KIAA1549: variants seen among roughly 807,000 people sequenced by gnomAD.
KIAA1549 encodes KIAA1549, also known as UPF0606 protein KIAA1549.
Under a neutral mutation model 156.4 loss-of-function variants are expected in KIAA1549, and 70 were observed. The observed-to-expected ratio is 0.45, with a 90% CI of 0.37 to 0.55. The LOEUF (loss-of-function observed/expected upper bound fraction) is 0.55. Ranked by LOEUF, KIAA1549 falls within the 20% of genes least tolerant of loss-of-function variation. The probability of loss-of-function intolerance (pLI) is 0.00; values close to 1 mark genes in which losing one functional copy is unlikely to be tolerated. For synonymous variants in KIAA1549, 1,103 were observed against 1,066.4 expected (o/e 1.03, Z -0.67); for missense variants, 2,428 against 2,540.9 (o/e 0.96, Z 0.96).
chr7:138,881,487 A>G lies in KIAA1549; in HGVS notation c.4130T>C (p.Leu1377Pro). The G allele has an allele frequency of 6.2e-7, 1 of 1,614,054 alleles. No homozygotes were observed. The highest frequency in any genetic ancestry group is 8.5e-7 in the Non-Finnish European group (1 of 1,179,900). ...GGTGTGGTCCTTCAGAGGTCCTGGC[A>G]GTGGCGCTGGCTCATGAATAATCAA... ...DILIIHEPAP[L>P]PGPLKDHTTP... Residue 1377 changes from leucine to proline, a missense_variant, in exon 11 of 20, where the codon CTG becomes CCG. Leu to Pro is a moderately conservative substitution (Grantham distance 98, BLOSUM62 -3). Coordinates refer to ENST00000422774, the MANE Select transcript of KIAA1549 (RefSeq NM_001164665.2).
intron 12 of KIAA1549, among the ~76,000 whole-genome samples, chr7:138,878,713 G>A (rs1034126726): frequency 6.6e-6 from 1 of 151,346 alleles, no homozygotes; most frequent in Non-Finnish European, 1.5e-5. Context: ...AGTGAGCCGG[G>A]ACTGTGCCAC....
chr7:138,863,895 C>A (rs1810659819), intron 15 of KIAA1549, among the ~76,000 whole-genome samples: 1 of 152,140 alleles, frequency 6.6e-6, no homozygotes, highest in Non-Finnish European at 1.5e-5. Flanking sequence ...CCCAAGGTGG[C>A]CTCTAGTTGA....
At chr7:138,949,205 C>T (rs1410011766) in intron 1 of KIAA1549, among the ~76,000 whole-genome samples, 3 of 152,128 alleles carry the variant, frequency 2.0e-5, no homozygotes, top group African/African-American at 7.2e-5. Flanking sequence ...GGAATTATTT[C>T]TGTAATTTGA....
intron 17 of KIAA1549, among the ~76,000 whole-genome samples, chr7:138,847,991 A>T (rs1810128736): frequency 6.6e-6 from 1 of 152,174 alleles, no homozygotes; most frequent in African/African-American, 2.4e-5. Context: ...TTTGTTGCTT[A>T]TATGCAGAAA....
At chr7:138,869,821 C>G in intron 13 of KIAA1549, 60 bp from the exon 14 acceptor site, 1 of 1,122,576 alleles carries the variant, frequency 8.9e-7, no homozygotes, top group Non-Finnish European at 1.3e-6. Flanking sequence ...TTCTGGGACA[C>G]ACACTTCGCA....
At chr7:138,930,171 G>C (rs1274107774) in intron 1 of KIAA1549, among the ~76,000 whole-genome samples, 1 of 152,154 alleles carries the variant, frequency 6.6e-6, no homozygotes, top group Non-Finnish European at 1.5e-5. Context: ...GTTCTGAGCG[G>C]TAGGTCTCAA....
At chr7:138,945,552 T>C (rs17680108) in intron 1 of KIAA1549, among the ~76,000 whole-genome samples, 3,495 of 152,342 alleles carry the variant, frequency 0.023, 66 homozygotes, top group Admixed American at 0.038. Flanking sequence ...CACAGGTGAT[T>C]ATTCGCTTTT....
intron 10 of KIAA1549, among the ~76,000 whole-genome samples, chr7:138,891,180 T>C (rs1811535589): frequency 1.3e-5 from 2 of 152,364 alleles, no homozygotes; most frequent in Non-Finnish European, 1.5e-5. Flanking sequence ...CTATTTGTGT[T>C]GGTAACTGAG....
intron 1 of KIAA1549, among the ~76,000 whole-genome samples, chr7:138,955,535 G>A (rs55710005): frequency 0.1 from 15,276 of 152,178 alleles, 854 homozygotes; most frequent in Middle Eastern, 0.13. Context: ...GAAAAGTGTC[G>A]TGGAGATGGA....
Position 138,976,067 on chromosome 7 carries a change from CTTATCTTATT to C in KIAA1549, c.187+5006_187+5015del, listed in dbSNP as rs372156481. On this transcript the variant is annotated intron_variant, in intron 1 of 19. Transcript: ENST00000422774. The stretch of plus-strand genomic sequence containing the variant: ...ACAAAAAATGCTTATTTTATTTTAC[CTTATCTTATT>C]TTATCTTATTTTATTTTGAGATGGA... 5.1e-4 allele frequency among the ~76,000 whole-genome samples: 78 copies of C among 152,166 alleles called. 1 individual carries two copies. In the East Asian group the frequency reaches 9.5e-3, roughly 18 times the overall value.
intron 1 of KIAA1549, among the ~76,000 whole-genome samples, chr7:138,962,506 T>G (rs1813885079): frequency 6.6e-6 from 1 of 152,180 alleles, no homozygotes; most frequent in Non-Finnish European, 1.5e-5. Flanking sequence ...GGCCGCTAGC[T>G]CCTGCTTCAT....
chr7:138,909,435 T>C (rs1346310583), intron 4 of KIAA1549, among the ~76,000 whole-genome samples: 1 of 152,144 alleles, frequency 6.6e-6, no homozygotes, highest in Non-Finnish European at 1.5e-5. Context: ...GTAGATGAAT[T>C]CTTGAATATT....
chr7:138,902,217 G>A (rs1811861955), intron 8 of KIAA1549, among the ~76,000 whole-genome samples: 3 of 152,130 alleles, frequency 2.0e-5, no homozygotes, highest in Non-Finnish European at 4.4e-5. Flanking sequence ...TCTGGGAGGG[G>A]GACAAAGGGT....
At chr7:138,851,492 T>C (rs1338314804) in intron 17 of KIAA1549, among the ~76,000 whole-genome samples, 1 of 152,072 alleles carries the variant, frequency 6.6e-6, no homozygotes, top group African/African-American at 2.4e-5. Flanking sequence ...CCTGTAGTTC[T>C]GCTTCTATTG....
intron 1 of KIAA1549, among the ~76,000 whole-genome samples, chr7:138,941,860 G>A (rs375166544): frequency 1.1e-4 from 17 of 152,066 alleles, no homozygotes; most frequent in South Asian, 2.1e-4. Context: ...AGATGAGGGA[G>A]CCTAAACTCT....
intron 1 of KIAA1549, among the ~76,000 whole-genome samples, chr7:138,970,313 C>G (rs1175350698): frequency 6.6e-6 from 1 of 152,120 alleles, no homozygotes; most frequent in Non-Finnish European, 1.5e-5. Flanking sequence ...CTGCTGACAC[C>G]AGCTCAGGGA....
intron 1 of KIAA1549, among the ~76,000 whole-genome samples, chr7:138,938,151 T>A (rs1813072245): frequency 6.6e-6 from 1 of 152,124 alleles, no homozygotes; most frequent in African/African-American, 2.4e-5. Flanking sequence ...AGCTCCTATA[T>A]GAGGACACAC....
intron 1 of KIAA1549, among the ~76,000 whole-genome samples, chr7:138,938,130 A>C (rs1425782750): frequency 2.0e-5 from 3 of 152,174 alleles, no homozygotes; most frequent in Non-Finnish European, 4.4e-5. Flanking sequence ...CCTCTAAAAA[A>C]GGCCAGAGAG....
chr7:138,844,526 G>A, intron 17 of KIAA1549, 52 bp from the exon 18 acceptor site: 1 of 1,455,034 alleles, frequency 6.9e-7, no homozygotes, highest in Non-Finnish European at 9.1e-7. Context: ...CCTGGCCTTG[G>A]TATTCCATGA....
Sources: allele counts gnomAD v4.1 joint callset (sites outside exome capture counted in the v4.1 genomes callset), GRCh38; gene constraint gnomAD v4.1.1; transcripts MANE v1.5; gene names NCBI Gene and HGNC (gene_info 2026-07-23, HGNC 2026-07-21).